Variants in KCNMA1 observed in about 807,000 individuals in gnomAD.
KCNMA1 encodes Calcium-activated potassium channel subunit alpha-1.
A neutral mutation model predicts 140.0 loss-of-function variants in KCNMA1; 29 were observed. The observed-to-expected ratio is 0.21, with a 90% CI of 0.15 to 0.28. The LOEUF (loss-of-function observed/expected upper bound fraction) is 0.28. Ranked by LOEUF, KCNMA1 falls within the 10% of genes least tolerant of loss-of-function variation. The pLI, the probability that KCNMA1 is intolerant of heterozygous loss-of-function variation, is 1.00. For synonymous variants in KCNMA1, 612 were observed against 611.9 expected, an observed-to-expected ratio of 1.00 and a Z score of 0.00; for missense variants, 880 against 1,602.2, an observed-to-expected ratio of 0.55 and a Z score of 7.70.
chr10:77,485,374 A>C (rs902758182), intron 1 of KCNMA1, among the ~76,000 whole-genome samples: 1 of 152,176 alleles, frequency 6.6e-6, no homozygotes, highest in Non-Finnish European at 1.5e-5. Context: ...TCTAGAATTC[A>C]CTGTTCCCGT....
chr10:77,296,623 C>T (rs2075183279), intron 2 of KCNMA1, among the ~76,000 whole-genome samples: 1 of 152,064 alleles, frequency 6.6e-6, no homozygotes, highest in Admixed American at 6.6e-5. Flanking sequence ...TTCCATAACA[C>T]TATCAGTTCC....
chr10:77,000,573 C>T (rs1025883689), intron 19 of KCNMA1, among the ~76,000 whole-genome samples: 1 of 152,044 alleles, frequency 6.6e-6, no homozygotes, highest in African/African-American at 2.4e-5. Flanking sequence ...GAGGCCTGTG[C>T]TATGGACTCA....
chr10:76,974,420 T>G (rs1178341722), intron 19 of KCNMA1: 4 of 947,368 alleles, frequency 4.2e-6, no homozygotes, highest in Non-Finnish European at 6.6e-6. Context: ...CTCAGCATGG[T>G]AAAGTAGAAT....
chr10:77,142,134 G>A (rs1340620231), intron 5 of KCNMA1, among the ~76,000 whole-genome samples: 16 of 152,254 alleles, frequency 1.1e-4, no homozygotes, highest in African/African-American at 2.6e-4. Flanking sequence ...TTGGGAGGCC[G>A]AGGCAGGCGG....
At chr10:77,465,127 C>T (rs576846740) in intron 1 of KCNMA1, among the ~76,000 whole-genome samples, 6 of 152,344 alleles carry the variant, frequency 3.9e-5, no homozygotes, top group African/African-American at 1.4e-4. Flanking sequence ...GAGTCCCTCT[C>T]GGCCTCCATC....
intron 2 of KCNMA1, among the ~76,000 whole-genome samples, chr10:77,363,227 C>A (rs971833073): frequency 6.6e-6 from 1 of 152,218 alleles, no homozygotes; most frequent in East Asian, 1.9e-4. Flanking sequence ...ATGAAATGAT[C>A]CAGTTGGAAT....
chr10:77,520,092 G>A (rs867125155), intron 1 of KCNMA1, among the ~76,000 whole-genome samples: 16 of 120,484 alleles, frequency 1.3e-4, no homozygotes, highest in East Asian at 2.6e-4. Context: ...TCTGGAGTAT[G>A]CAGTGTGAGG....
intron 1 of KCNMA1, among the ~76,000 whole-genome samples, chr10:77,561,143 A>G (rs1049209774): frequency 6.6e-6 from 1 of 151,108 alleles, no homozygotes; most frequent in African/African-American, 2.4e-5. Context: ...TTTTTTTCCA[A>G]TGGGACCTGC....
rs576388732 is a variant in KCNMA1 at position 77,117,481 on chromosome 10, G to A, written c.884+3492C>T. Among the ~76,000 whole-genome samples, 27 of 145,656 alleles carry A rather than the reference G, an allele frequency of 1.9e-4. No individual in the cohort carries two copies. In the East Asian group the frequency reaches 4.7e-3, roughly 25 times the overall value. On this transcript the variant is annotated intron_variant, in intron 6 of 27. Coordinates refer to ENST00000286628, the MANE Select transcript of KCNMA1 (RefSeq NM_001161352.2). ...GGAGAATGGCTTGAACCCTGGAGAC[G>A]GAGGTTGCAGTGAGCTGAGATCACG...
intron 1 of KCNMA1, among the ~76,000 whole-genome samples, chr10:77,501,130 G>A (rs1168832497): frequency 1.3e-5 from 2 of 152,184 alleles, no homozygotes; most frequent in Non-Finnish European, 2.9e-5. Flanking sequence ...AGCATTGTTG[G>A]GTGACATCAA....
chr10:76,926,133 C>T (rs1009123964), intron 23 of KCNMA1, among the ~76,000 whole-genome samples: 1 of 152,108 alleles, frequency 6.6e-6, no homozygotes, highest in Non-Finnish European at 1.5e-5. Flanking sequence ...CATACACACA[C>T]GAATCTTCAC....
chr10:77,008,272 C>CGGCCGGGCGCGGTGGCTCACGCCTGT, intron 18 of KCNMA1: 1 of 1,426,318 alleles, frequency 7.0e-7, no homozygotes, highest in Non-Finnish European at 9.5e-7. Flanking sequence ...AAAGATATGT[C>CGGCCGGGCGCGGTGGCTCACGCCTGT]AATGATTTGA....
At chr10:77,442,412 C>A (rs1373732938) in intron 1 of KCNMA1, among the ~76,000 whole-genome samples, 1 of 152,112 alleles carries the variant, frequency 6.6e-6, no homozygotes, top group Non-Finnish European at 1.5e-5. Flanking sequence ...CACTCTCCTG[C>A]CCCAGCTCCT....
At chr10:77,509,637 C>T (rs114224906) in intron 1 of KCNMA1, among the ~76,000 whole-genome samples, 94 of 152,300 alleles carry the variant, frequency 6.2e-4, no homozygotes, top group African/African-American at 2.1e-3. Flanking sequence ...CCAATTTCTC[C>T]ACATCCTGTC....
intron 25 of KCNMA1, among the ~76,000 whole-genome samples, chr10:76,909,345 C>G (rs569723031): frequency 3.6e-4 from 55 of 152,332 alleles, no homozygotes; most frequent in Non-Finnish European, 6.8e-4. Context: ...CCATCTTGTA[C>G]CTCTGAATCA....
chr10:77,316,910 T>C (rs1243327118), intron 2 of KCNMA1, among the ~76,000 whole-genome samples: 1 of 152,206 alleles, frequency 6.6e-6, no homozygotes, highest in Non-Finnish European at 1.5e-5. Context: ...AAGCCAGATA[T>C]GCATTCTAGC....
intron 5 of KCNMA1, among the ~76,000 whole-genome samples, chr10:77,161,401 C>T (rs2098552785): frequency 1.3e-5 from 2 of 152,074 alleles, no homozygotes; most frequent in Non-Finnish European, 1.5e-5. Context: ...GCATAAGCCA[C>T]CACGCCCAAC....
intron 2 of KCNMA1, among the ~76,000 whole-genome samples, chr10:77,281,387 C>T (rs1042895538): frequency 6.6e-6 from 1 of 152,196 alleles, no homozygotes; most frequent in Non-Finnish European, 1.5e-5. Context: ...TTTCTTGTAC[C>T]TTCTTCAGCT....
intron 2 of KCNMA1, among the ~76,000 whole-genome samples, chr10:77,286,147 A>T (rs138745272): frequency 1.9e-4 from 29 of 152,310 alleles, no homozygotes; most frequent in African/African-American, 6.7e-4. Flanking sequence ...CATTCTTTAA[A>T]GTTCAATTTT....
Sources: allele counts gnomAD v4.1 joint callset (sites outside exome capture counted in the v4.1 genomes callset), GRCh38; gene constraint gnomAD v4.1.1; transcripts MANE v1.5; gene names NCBI Gene and HGNC (gene_info 2026-07-23, HGNC 2026-07-21).